GPC5: variants seen among roughly 807,000 people sequenced by gnomAD.
GPC5 encodes the protein glypican 5, also known as glypican-5.
In GPC5, 47 loss-of-function variants were observed where a neutral mutation model predicts 53.9. That is an observed-to-expected ratio of 0.87 (90% CI 0.69 to 1.11). GPC5 has a LOEUF of 1.11. Among genes scored for constraint, GPC5 ranks in the 50% most tolerant of loss-of-function variants. The pLI is 0.00. For synonymous variants in GPC5, 286 were observed against 263.3 expected (o/e 1.09, Z -0.84); for missense variants, 748 against 713.1 (o/e 1.05, Z -0.56).
At chr13:91,807,156 A>T (rs1250238596) in intron 5 of GPC5, among the ~76,000 whole-genome samples, 2 of 152,172 alleles carry the variant, frequency 1.3e-5, no homozygotes, top group African/African-American at 2.4e-5. Context: ...TAACCCAGGT[A>T]TCTTCATTTT....
chr13:91,429,593 C>T (rs1036403840), intron 1 of GPC5, among the ~76,000 whole-genome samples: 5 of 152,258 alleles, frequency 3.3e-5, no homozygotes, highest in Non-Finnish European at 5.9e-5. Context: ...AGGGTATTCT[C>T]ACCTGGGCGA....
intron 7 of GPC5, among the ~76,000 whole-genome samples, chr13:92,420,472 C>T (rs945442149): frequency 3.9e-5 from 6 of 151,940 alleles, no homozygotes; most frequent in Non-Finnish European, 8.8e-5. Context: ...ATGAGGTATC[C>T]ATCCCCTCAA....
At chr13:91,537,182 G>A (rs1215398435) in intron 2 of GPC5, among the ~76,000 whole-genome samples, 2 of 151,664 alleles carry the variant, frequency 1.3e-5, no homozygotes, top group Non-Finnish European at 2.9e-5. Context: ...AAGAAAAGAC[G>A]TAATAAATGA....
intron 6 of GPC5, among the ~76,000 whole-genome samples, chr13:92,042,060 G>A (rs889611805): frequency 1.3e-5 from 2 of 152,130 alleles, no homozygotes; most frequent in African/African-American, 4.8e-5. Flanking sequence ...GTATGCACAG[G>A]TGCACAAGAA....
Position 91,485,028 on chromosome 13 carries a change from A to C in GPC5, c.325+36106A>C, listed in dbSNP as rs546192143. On this transcript the variant is annotated intron_variant, in intron 2 of 7. Coordinates refer to ENST00000377067, the MANE Select transcript of GPC5 (RefSeq NM_004466.6). ...GAGCTTGTTAGAAATGCAGAATAAA[A>C]AAAATGCAGAACCCCAGGCCCAGGC... Among the ~76,000 whole-genome samples, 8 of 152,372 alleles carry C rather than the reference A, an allele frequency of 5.3e-5. No homozygotes were observed. In the South Asian group the frequency reaches 1.4e-3, roughly 28 times the overall value.
chr13:92,585,393 C>T (rs539587036), intron 7 of GPC5, among the ~76,000 whole-genome samples: 6 of 152,166 alleles, frequency 3.9e-5, no homozygotes, highest in Admixed American at 1.3e-4. Context: ...TTTGGACTTG[C>T]GTGGGGCCTG....
At chr13:91,411,145 T>C (rs1378859673) in intron 1 of GPC5, among the ~76,000 whole-genome samples, 1 of 152,188 alleles carries the variant, frequency 6.6e-6, no homozygotes, top group Non-Finnish European at 1.5e-5. Context: ...CACTGGACTT[T>C]TGCAAAATAA....
intron 7 of GPC5, among the ~76,000 whole-genome samples, chr13:92,768,960 G>T (rs188509504): frequency 8.5e-5 from 13 of 152,134 alleles, no homozygotes; most frequent in East Asian, 5.8e-4. Context: ...TAGATCACCC[G>T]TGCTGACTTA....
chr13:92,156,797 C>T (rs567588368), intron 7 of GPC5, among the ~76,000 whole-genome samples: 1 of 151,894 alleles, frequency 6.6e-6, no homozygotes, highest in African/African-American at 2.4e-5. Context: ...TGATGCTCTT[C>T]CTTTTTGATC....
intron 1 of GPC5, among the ~76,000 whole-genome samples, chr13:91,428,834 C>T (rs1016787240): frequency 6.6e-6 from 1 of 151,992 alleles, no homozygotes; most frequent in Non-Finnish European, 1.5e-5. Context: ...TAGCATACCA[C>T]TTTCAAGTTT....
chr13:92,160,649 G>A (rs1345489745), intron 7 of GPC5, among the ~76,000 whole-genome samples: 1 of 152,160 alleles, frequency 6.6e-6, no homozygotes, highest in East Asian at 1.9e-4. Context: ...TTGATTTGAA[G>A]CTCTGAGTGT....
chr13:92,025,425 G>C (rs2040793154), intron 6 of GPC5, among the ~76,000 whole-genome samples: 1 of 152,102 alleles, frequency 6.6e-6, no homozygotes. Context: ...GTTTTCATTA[G>C]TTTTCTTCCC....
intron 7 of GPC5, among the ~76,000 whole-genome samples, chr13:92,749,585 C>T (rs1022146765): frequency 2.0e-5 from 3 of 152,016 alleles, no homozygotes; most frequent in Non-Finnish European, 4.4e-5. Flanking sequence ...TTCTGACAAA[C>T]CTTTTTAATG....
At chr13:92,656,269 G>A (rs1407681533) in intron 7 of GPC5, among the ~76,000 whole-genome samples, 2 of 152,316 alleles carry the variant, frequency 1.3e-5, no homozygotes, top group Non-Finnish European at 2.9e-5. Context: ...TGAGAAAAAG[G>A]TGAGGTGGCT....
At chr13:92,121,580 G>T (rs2041649751) in intron 6 of GPC5, among the ~76,000 whole-genome samples, 1 of 152,154 alleles carries the variant, frequency 6.6e-6, no homozygotes. Context: ...TGCAACTTTT[G>T]AATCTTCTTC....
chr13:92,667,189 C>T (rs765392216), intron 7 of GPC5, among the ~76,000 whole-genome samples: 21 of 150,554 alleles, frequency 1.4e-4, no homozygotes, highest in Admixed American at 1.1e-3. Flanking sequence ...TGCATGTGCA[C>T]GCATGTGTGT....
intron 2 of GPC5, among the ~76,000 whole-genome samples, chr13:91,491,483 A>G (rs1883939964): frequency 6.6e-6 from 1 of 152,212 alleles, no homozygotes; most frequent in African/African-American, 2.4e-5. Context: ...ATAATATTCC[A>G]CTAACCACAT....
chr13:92,362,404 C>A (rs1054577088), intron 7 of GPC5, among the ~76,000 whole-genome samples: 1 of 151,668 alleles, frequency 6.6e-6, no homozygotes, highest in African/African-American at 2.4e-5. Context: ...ATCCTTTGGT[C>A]TTATTAAGAT....
At chr13:91,418,178 A>G (rs1878368496) in intron 1 of GPC5, among the ~76,000 whole-genome samples, 1 of 152,110 alleles carries the variant, frequency 6.6e-6, no homozygotes, top group Admixed American at 6.6e-5. Flanking sequence ...AGCGTTTAGT[A>G]CTATGAATGG....
Sources: gnomAD v4.1 joint callset for allele counts (sites outside exome capture counted in the v4.1 genomes callset) on GRCh38, gnomAD v4.1.1 for gene constraint, MANE v1.5 for transcripts, NCBI Gene and HGNC (gene_info 2026-07-23, HGNC 2026-07-21) for gene names.